ANKMY1: variants seen among roughly 807,000 people sequenced by gnomAD.
ANKMY1 encodes ankyrin repeat and MYND domain-containing protein 1.
A neutral mutation model predicts 102.0 loss-of-function variants in ANKMY1; 98 were observed. That is an observed-to-expected ratio of 0.96 (90% CI 0.82 to 1.14). ANKMY1 has a LOEUF of 1.14. ANKMY1 is among the 50% of genes most tolerant of loss of function. The pLI, the probability that ANKMY1 is intolerant of heterozygous loss-of-function variation, is 0.00. For missense variants in ANKMY1, 1,330 were observed against 1,347.6 expected, an observed-to-expected ratio of 0.99 and a Z score of 0.20; for synonymous variants, 582 against 559.9, an observed-to-expected ratio of 1.04 and a Z score of -0.56.
rs555581332 is a variant in ANKMY1, at chr2:240,525,884, A to G, written c.1171-35T>C. ...GATGAGGCAGGACTCAGGATGATGC[A>G]CCTGGCCCTCAGGGGTGGGAAGGGT... On this transcript the variant is annotated intron_variant, in intron 6 of 17. Coordinates refer to ENST00000401804, the MANE Select transcript of ANKMY1 (RefSeq NM_001282771.3). 10 of 1,606,648 alleles carry G rather than the reference A, an allele frequency of 6.2e-6. No individual in the cohort carries two copies. In the African/African-American group the frequency reaches 1.2e-4, roughly 19 times the overall value.
chr2:240,507,558 A>C lies in ANKMY1; in HGVS notation c.2526+2T>G, dbSNP rs1369320243. The C allele has an allele frequency of 1.9e-6, 3 of 1,602,672 alleles. No individual in the cohort carries two copies. The highest frequency in any genetic ancestry group is 8.5e-7 in the Non-Finnish European group (1 of 1,174,660). ...GGGCCACCCCAGCCTCCTGCCCCTC[A>C]CCAGGGCCAGCTTGCTGTCCATGTT... is the stretch of plus-strand genomic sequence containing the variant. On this transcript the variant is annotated splice_donor_variant, in intron 13 of 17. Transcript: ENST00000401804. LOFTEE classifies it high-confidence loss of function.
In ANKMY1 at chr2:240,553,055, T is replaced by C; in HGVS notation, c.339A>G (p.Ser113=). The change falls in exon 4 of 18, where the codon TCA becomes TCG. Residue 113 remains serine (S), a splice_region_variant and synonymous_variant. Transcript: ENST00000401804. ...GGTCCCGGTAAAACTGCCCATGGTATGACTGTGAGATGGAGAAGTTGGTGA... is the reference window on the plus strand; with the variant it reads ...GGTCCCGGTAAAACTGCCCATGGTACGACTGTGAGATGGAGAAGTTGGTGA... ...YGKFSWPTGE[S]YHGQFYRDHC... is the part of the protein sequence containing the mutation. 6.2e-7 allele frequency: 1 copy of C among 1,613,262 alleles called. No homozygotes were observed. Among genetic ancestry groups the C allele is most frequent in the Non-Finnish European group, 8.5e-7 (1 of 1,179,422 alleles).
intron 15 of ANKMY1, among the ~76,000 whole-genome samples, chr2:240,491,020 G>A (rs189749202): frequency 5.2e-4 from 79 of 151,084 alleles, no homozygotes; most frequent in African/African-American, 1.9e-3. Context: ...CCAGTGTTGG[G>A]TGCATATATA....
chr2:240,498,299 G>A (rs1351416422), intron 15 of ANKMY1, among the ~76,000 whole-genome samples: 1 of 149,442 alleles, frequency 6.7e-6, no homozygotes, highest in Non-Finnish European at 1.5e-5. Context: ...GGGGTGGGGG[G>A]GGTTTATGCA....
intron 13 of ANKMY1, 68 bp downstream of exon 13, chr2:240,507,492 C>A: frequency 6.5e-7 from 1 of 1,526,742 alleles, no homozygotes; most frequent in Non-Finnish European, 8.8e-7. Context: ...CCTCACACCC[C>A]TCACTCAGGG....
chr2:240,508,658 T>G (rs1163692495), intron 12 of ANKMY1, among the ~76,000 whole-genome samples: 1 of 152,144 alleles, frequency 6.6e-6, no homozygotes, highest in Non-Finnish European at 1.5e-5. Flanking sequence ...GAATATAGGA[T>G]CCTTGAGAGC....
chr2:240,525,742 G>A lies in ANKMY1; in HGVS notation c.1278C>T (p.His426=). The change falls in exon 7 of 18, where the codon CAC becomes CAT. Residue 426 remains histidine, a synonymous_variant. Transcript: ENST00000401804. The part of the protein sequence containing the change: ...LTALSMCFLL[H]YPAQSFKPNV... ...TGGGCTTGAAGGACTGGGCGGGGTA[G>A]TGGAGGAGGAAACACATGCTGAGTG... 1 of 1,614,192 alleles carries A rather than the reference G, an allele frequency of 6.2e-7. No homozygotes were observed. The highest frequency in any genetic ancestry group is 8.5e-7 in the Non-Finnish European group (1 of 1,180,026).
intron 4 of ANKMY1, among the ~76,000 whole-genome samples, chr2:240,539,333 G>C (rs1037707334): frequency 1.3e-5 from 2 of 151,778 alleles, no homozygotes; most frequent in African/African-American, 4.8e-5. Flanking sequence ...GGAGGAACGA[G>C]CAACTCCAGA....
Position 240,520,285 on chromosome 2 carries a change from G to A in ANKMY1, c.2004+77C>T. 2.0e-6 allele frequency: 3 copies of A among 1,487,530 alleles called. No homozygotes were observed. The highest frequency in any genetic ancestry group is 2.5e-5 in the East Asian group (1 of 40,110). The allele number at this position is 1,487,530 out of a possible 1,614,324, so 92.1% of individuals were successfully genotyped here. On this transcript the variant is annotated intron_variant, in intron 9 of 17. Coordinates refer to ENST00000401804, the MANE Select transcript of ANKMY1 (RefSeq NM_001282771.3). This position sits in a 1 kb window ranked among gnomAD's most constrained non-coding sequence, Gnocchi z 4.8. Reference sequence around the variant, plus strand: ...GCCCACCCCTCTCTTCCGCGCCTAGGTGGAGCGAGGAGCTTCCCGGCCAGT... The same window carrying A: ...GCCCACCCCTCTCTTCCGCGCCTAGATGGAGCGAGGAGCTTCCCGGCCAGT...
chr2:240,533,868 G>C (rs190292161), intron 4 of ANKMY1, among the ~76,000 whole-genome samples: 1 of 152,042 alleles, frequency 6.6e-6, no homozygotes, highest in Non-Finnish European at 1.5e-5. Flanking sequence ...AGAGAAAGAC[G>C]CATCACAGGA....
intron 4 of ANKMY1, among the ~76,000 whole-genome samples, chr2:240,530,915 TA>T (rs2085209466): frequency 6.8e-6 from 1 of 148,082 alleles, no homozygotes; most frequent in African/African-American, 2.5e-5. Context: ...CCTGTCTCAA[TA>T]AATACATAAA....
chr2:240,507,484 T>C, intron 13 of ANKMY1, 76 bp downstream of exon 13: 2 of 1,331,862 alleles, frequency 1.5e-6, no homozygotes, highest in Non-Finnish European at 2.0e-6. Context: ...CACCCAGCCC[T>C]CACACCCCTC....
intron 4 of ANKMY1, among the ~76,000 whole-genome samples, chr2:240,540,012 T>C (rs1039820204): frequency 3.9e-5 from 6 of 152,218 alleles, no homozygotes; most frequent in Admixed American, 6.5e-5. Flanking sequence ...TACCCAGTTA[T>C]AAACAGGACC....
At chr2:240,472,840 C>T in the ANKMY1 span, among the ~76,000 whole-genome samples, 29 of 152,150 alleles carry the variant, frequency 1.9e-4, no homozygotes, top group African/African-American at 7.0e-4. Flanking sequence ...AACATGATGC[C>T]ACAGCTGGGC....
chr2:240,545,212 G>A (rs566394063), intron 4 of ANKMY1, among the ~76,000 whole-genome samples: 10 of 152,276 alleles, frequency 6.6e-5, no homozygotes, highest in Admixed American at 3.3e-4. Context: ...CTGACCCCCC[G>A]AGCAGCCTAA....
In ANKMY1 at chr2:240,520,483, T is replaced by C. The variant is rs767525899; in HGVS notation, c.1883A>G (p.Asp628Gly). 1 of 1,613,236 alleles carries C rather than the reference T, an allele frequency of 6.2e-7. No homozygotes were observed. The highest frequency in any genetic ancestry group is 1.7e-5 in the Admixed American group (1 of 59,990). The change falls in exon 9 of 18, where the codon GAC becomes GGC. Residue 628 changes from aspartate (D) to glycine (G), a missense_variant. Coordinates refer to ENST00000401804, the MANE Select transcript of ANKMY1 (RefSeq NM_001282771.3). The surrounding 1 kb of genome is among the most constrained non-coding windows in gnomAD (Gnocchi z 4.8). Reference sequence around the variant, plus strand: ...CATGGGCACGCAGCACAGGTTGGGGTCCGCGCCCCGGCGCAGCAGCAGCTT... The same window carrying C: ...CATGGGCACGCAGCACAGGTTGGGGCCCGCGCCCCGGCGCAGCAGCAGCTT... ...TIKLLLRRGA[D>G]PNLCCVPMQV...
chr2:240,481,384 A>G (rs565864028), intron 16 of ANKMY1, among the ~76,000 whole-genome samples: 1 of 152,360 alleles, frequency 6.6e-6, no homozygotes, highest in Admixed American at 6.5e-5. Context: ...ACATCCATTC[A>G]GGAGACCGCC....
the ANKMY1 span, among the ~76,000 whole-genome samples, chr2:240,468,810 A>G: frequency 2.6e-5 from 4 of 152,020 alleles, no homozygotes; most frequent in African/African-American, 9.7e-5. Context: ...GCACCCCAGG[A>G]GGGAGATGCA....
chr2:240,512,007 TA>T lies in ANKMY1; in HGVS notation c.2146-7del. ...CTTGAGGGCAGCAGGTCCAGCTGTG[TA>T]AAACGGAGGGCTCCGCCAGCGCCCA... On this transcript the variant is annotated splice_region_variant and splice_polypyrimidine_tract_variant and intron_variant, in intron 10 of 17. Coordinates refer to ENST00000401804, the MANE Select transcript of ANKMY1 (RefSeq NM_001282771.3). 2 of 1,534,580 alleles carry T rather than the reference TA, an allele frequency of 1.3e-6. No individual in the cohort carries two copies. The highest frequency in any genetic ancestry group is 1.7e-6 in the Non-Finnish European group (2 of 1,152,382).
Sources: gnomAD v4.1 joint callset for allele counts (sites outside exome capture counted in the v4.1 genomes callset) on GRCh38, gnomAD v4.1.1 for gene constraint, Gnocchi (gnomAD v3.1) non-coding constraint, MANE v1.5 for transcripts, NCBI Gene and HGNC (gene_info 2026-07-23, HGNC 2026-07-21) for gene names.